NFIB: variants seen among roughly 807,000 people sequenced by gnomAD.
The protein encoded by NFIB is nuclear factor I B, also known as nuclear factor 1 B-type.
Under a neutral mutation model 61.5 loss-of-function variants are expected in NFIB, and 11 were observed. The ratio of observed to expected loss-of-function variants is 0.18; its 90% confidence interval spans 0.11 to 0.30. The LOEUF (loss-of-function observed/expected upper bound fraction) is 0.30. Among genes scored for constraint, NFIB ranks in the 10% least tolerant of loss-of-function variants. The probability of loss-of-function intolerance (pLI) is 1.00; values close to 1 mark genes in which losing one functional copy is unlikely to be tolerated. For synonymous variants in NFIB, 260 were observed against 216.5 expected (o/e 1.20, Z -1.76); for missense variants, 471 against 608.9 (o/e 0.77, Z 2.38).
chr9:14,484,186 G>A, the NFIB span, among the ~76,000 whole-genome samples: 1 of 152,126 alleles, frequency 6.6e-6, no homozygotes, highest in African/African-American at 2.4e-5. Context: ...CTCAGTTTTT[G>A]CTGAGCACTG....
At chr9:14,204,829 C>T (rs2049458567) in intron 2 of NFIB, 2 of 471,750 alleles carry the variant, frequency 4.2e-6, no homozygotes, top group Non-Finnish European at 7.9e-6. Flanking sequence ...ATCTAATCCA[C>T]AGGAAGACCT....
chr9:14,323,429 TA>T (rs2060707962), intron 1 of NFIB, among the ~76,000 whole-genome samples: 1 of 152,218 alleles, frequency 6.6e-6, no homozygotes, highest in Non-Finnish European at 1.5e-5. Context: ...TATCTGTAGT[TA>T]TGTCGGGAAA....
chr9:14,160,947 T>C (rs2044126774), intron 3 of NFIB, among the ~76,000 whole-genome samples: 1 of 152,090 alleles, frequency 6.6e-6, no homozygotes, highest in African/African-American at 2.4e-5. Context: ...CTGGCATTGT[T>C]CATTTGGAGA....
intron 2 of NFIB, among the ~76,000 whole-genome samples, chr9:14,280,743 T>G (rs1175453842): frequency 1.3e-5 from 2 of 152,122 alleles, no homozygotes; most frequent in African/African-American, 2.4e-5. Context: ...ATGCACCTAT[T>G]TTGTAAATAA....
At chr9:14,261,539 G>C (rs1417587092) in intron 2 of NFIB, among the ~76,000 whole-genome samples, 1 of 152,216 alleles carries the variant, frequency 6.6e-6, no homozygotes, top group Admixed American at 6.5e-5. Flanking sequence ...GGCAGATTAA[G>C]AGGAGAAATG....
At chr9:14,334,478 T>C (rs1393144586) in intron 1 of NFIB, among the ~76,000 whole-genome samples, 1 of 152,228 alleles carries the variant, frequency 6.6e-6, no homozygotes, top group East Asian at 1.9e-4. Context: ...CTTTTGGATA[T>C]CCTCTTTGAA....
chr9:14,370,191 T>G (rs1263660816), intron 1 of NFIB, among the ~76,000 whole-genome samples: 1 of 152,242 alleles, frequency 6.6e-6, no homozygotes, highest in African/African-American at 2.4e-5. Flanking sequence ...TATCACATCC[T>G]GGGTGAAGCT....
upstream of NFIB, among the ~76,000 whole-genome samples, chr9:14,400,994 C>G (rs1168867361): frequency 6.6e-6 from 1 of 152,208 alleles, no homozygotes; most frequent in Non-Finnish European, 1.5e-5. Context: ...ATTTCACCCT[C>G]ATAACCAGGA....
chr9:14,467,918 T>C, the NFIB span, among the ~76,000 whole-genome samples: 7 of 152,200 alleles, frequency 4.6e-5, no homozygotes. Context: ...TATTAAATGG[T>C]GGAAATGATC....
At chr9:14,516,509 C>T in the NFIB span, among the ~76,000 whole-genome samples, 1 of 152,114 alleles carries the variant, frequency 6.6e-6, no homozygotes. Context: ...AATTAATCAC[C>T]CTATCTTTTA....
Position 14,343,386 on chromosome 9 carries a change from A to G in NFIB, c.109-35866T>C, listed in dbSNP as rs971003600. Among the ~76,000 whole-genome samples the G allele has an allele frequency of 5.9e-5, 9 of 152,114 alleles. No homozygotes were observed. The East Asian group carries it at 9.7e-4, about 16-fold the overall frequency. On this transcript the variant is annotated intron_variant, in intron 1 of 8. Coordinates refer to the NFIB transcript ENST00000380934. Reference sequence around the variant, plus strand: ...GACTGAGGCTGCAGCTGCCCTCCCTATTGGATACTCAGCCTCACCCTTGCA... The same window carrying G: ...GACTGAGGCTGCAGCTGCCCTCCCTGTTGGATACTCAGCCTCACCCTTGCA...
intron 2 of NFIB, among the ~76,000 whole-genome samples, chr9:14,224,956 C>A (rs10961431): frequency 0.14 from 21,776 of 152,088 alleles, 2,312 homozygotes; most frequent in East Asian, 0.56. Context: ...ACTTTCTTAG[C>A]GAATTTCCAG....
the NFIB span, among the ~76,000 whole-genome samples, chr9:14,524,497 G>C: frequency 6.6e-6 from 1 of 152,144 alleles, no homozygotes; most frequent in African/African-American, 2.4e-5. Context: ...ATTTAAGAAT[G>C]ATTAAGAGTC....
chr9:14,386,375 C>T (rs2061548907), intron 1 of NFIB, among the ~76,000 whole-genome samples: 1 of 152,154 alleles, frequency 6.6e-6, no homozygotes, highest in Non-Finnish European at 1.5e-5. Context: ...CATCAAGAAA[C>T]TCTGCCCCTA....
rs139943666 is a variant in NFIB, at chr9:14,103,189, C to A, written c.1467+9810G>T. ...GAATACAAGCTGAAACAAATTCTTCCCAGATCTCCGAATCATCAGCTCTGC... is the reference window on the plus strand; with the variant it reads ...GAATACAAGCTGAAACAAATTCTTCACAGATCTCCGAATCATCAGCTCTGC... On this transcript the variant is annotated intron_variant, in intron 10 of 10. Transcript: ENST00000380953. Among the ~76,000 whole-genome samples the A allele has an allele frequency of 4.3e-4, 66 of 152,140 alleles. No individual in the cohort carries two copies. In the Middle Eastern group the frequency reaches 0.014, roughly 31 times the overall value.
chr9:14,367,122 T>C (rs567063777), intron 1 of NFIB, among the ~76,000 whole-genome samples: 3 of 152,178 alleles, frequency 2.0e-5, no homozygotes, highest in Admixed American at 6.5e-5. Context: ...CAACAGTATT[T>C]ACTGGGCCCC....
At chr9:14,463,332 G>C in the NFIB span, among the ~76,000 whole-genome samples, 1 of 151,822 alleles carries the variant, frequency 6.6e-6, no homozygotes, top group Non-Finnish European at 1.5e-5. Flanking sequence ...TAAATGGAGA[G>C]CTATACTTTA....
chr9:14,136,574 C>T (rs758047503), intron 6 of NFIB, among the ~76,000 whole-genome samples: 13 of 152,264 alleles, frequency 8.5e-5, no homozygotes, highest in South Asian at 2.1e-4. Flanking sequence ...AACATTTATG[C>T]TACAAGACAT....
the NFIB span, among the ~76,000 whole-genome samples, chr9:14,509,645 T>C: frequency 5.3e-5 from 8 of 152,116 alleles, no homozygotes; most frequent in Non-Finnish European, 8.8e-5. Context: ...TTTCCTTGGG[T>C]CCAATCTGGA....
Sources: gnomAD v4.1 joint callset for allele counts (sites outside exome capture counted in the v4.1 genomes callset) on GRCh38, gnomAD v4.1.1 for gene constraint, MANE v1.5 for transcripts, NCBI Gene and HGNC (gene_info 2026-07-23, HGNC 2026-07-21) for gene names.